The following RPL39L variants were observed in gnomAD, a reference collection of about 807,000 sequenced individuals.
RPL39L encodes the protein ribosomal protein eL39-like 2.
For missense variants in RPL39L, 48 were observed against 58.9 expected (o/e 0.81, Z 0.61); for synonymous variants, 16 against 20.1 (o/e 0.80, Z 0.55).
intron 1 of RPL39L, among the ~76,000 whole-genome samples, chr3:187,128,690 T>C (rs1002674574): frequency 1.2e-4 from 18 of 152,204 alleles, no homozygotes; most frequent in African/African-American, 4.3e-4. Context: ...ACAGTTATTA[T>C]AGTTACTGAT....
rs367723140 is a variant in RPL39L at position 187,121,134 on chromosome 3, T to C, written c.*11A>G. ...CAGCATAAATATGTGTGCCATCTCA[T>C]GTGCAATTCCTTATAGACCCAGCTT... On this transcript the variant is annotated 3_prime_UTR_variant, in exon 3 of 3. Coordinates refer to ENST00000296277, the MANE Select transcript of RPL39L (RefSeq NM_052969.3). 7.4e-6 allele frequency: 12 copies of C among 1,612,964 alleles called. No individual in the cohort carries two copies. Among genetic ancestry groups the C allele is most frequent in the Non-Finnish European group, 9.3e-6 (11 of 1,179,704 alleles).
intron 1 of RPL39L, among the ~76,000 whole-genome samples, chr3:187,132,171 G>A (rs1720497529): frequency 6.6e-6 from 1 of 152,178 alleles, no homozygotes; most frequent in African/African-American, 2.4e-5. Context: ...ATTGCCCATG[G>A]TAACATAAAC....
In RPL39L at chr3:187,121,096, C is replaced by G. The variant is rs76730523; in HGVS notation, c.*49G>C. 1 of 1,597,460 alleles carries G rather than the reference C, an allele frequency of 6.3e-7. No individual in the cohort carries two copies. The highest frequency in any genetic ancestry group is 8.6e-7 in the Non-Finnish European group (1 of 1,167,622). On this transcript the variant is annotated 3_prime_UTR_variant, in exon 3 of 3. Transcript: ENST00000296277. ...TTTCAGCTTGATATCGTAAGATGATCGTGAACTTGATACAGCATAAATATG... is the reference window on the plus strand; with the variant it reads ...TTTCAGCTTGATATCGTAAGATGATGGTGAACTTGATACAGCATAAATATG...
chr3:187,127,237 T>C (rs1410144259), intron 2 of RPL39L, among the ~76,000 whole-genome samples: 1 of 152,198 alleles, frequency 6.6e-6, no homozygotes, highest in African/African-American at 2.4e-5. Flanking sequence ...TTCTGAAGCA[T>C]GTTAAAGTTT....
At position 187,125,374 on chromosome 3, in the gene RPL39L, T is replaced by C. The variant is rs190697591; in HGVS notation, c.-29+2625A>G. Among the ~76,000 whole-genome samples the C allele has an allele frequency of 4.6e-3, 702 of 152,324 alleles. 8 individuals carry two copies. Among genetic ancestry groups the C allele is most frequent in the South Asian group, 0.026 (125 of 4,824 alleles). ...ACAAAAGTTATCAACTAAGGGTTGG[T>C]TGGAGGTTGGCCATAACTTGCCTTG... is the stretch of plus-strand genomic sequence containing the variant. On this transcript the variant is annotated intron_variant, in intron 2 of 2. Coordinates refer to ENST00000296277, the MANE Select transcript of RPL39L (RefSeq NM_052969.3).
At chr3:187,138,880 T>C (rs1720633963) in intron 1 of RPL39L, among the ~76,000 whole-genome samples, 1 of 151,922 alleles carries the variant, frequency 6.6e-6, no homozygotes, top group Non-Finnish European at 1.5e-5. Flanking sequence ...ACCAATATGG[T>C]GAAACCCGTC....
intron 1 of RPL39L, among the ~76,000 whole-genome samples, chr3:187,129,025 T>C (rs547746944): frequency 6.6e-6 from 1 of 152,314 alleles, no homozygotes; most frequent in South Asian, 2.1e-4. Flanking sequence ...AAAATGACCA[T>C]ATGTTATGAT....
At chr3:187,126,995 G>A (rs903350646) in intron 2 of RPL39L, among the ~76,000 whole-genome samples, 4 of 152,154 alleles carry the variant, frequency 2.6e-5, no homozygotes, top group African/African-American at 9.7e-5. Flanking sequence ...TGTGGTACCT[G>A]CAGGTACCCA....
intron 1 of RPL39L, among the ~76,000 whole-genome samples, chr3:187,133,406 C>T (rs190458582): frequency 2.8e-3 from 421 of 152,242 alleles, no homozygotes; most frequent in African/African-American, 9.7e-3. Flanking sequence ...CCATCTAAGA[C>T]GTGCTTTGCT....
intron 1 of RPL39L, among the ~76,000 whole-genome samples, chr3:187,135,104 G>T (rs2108470664): frequency 6.6e-6 from 1 of 152,306 alleles, no homozygotes; most frequent in Middle Eastern, 3.4e-3. Flanking sequence ...GAAATTACAT[G>T]GCTGTGTGAT....
At chr3:187,129,731 C>G (rs947173812) in intron 1 of RPL39L, among the ~76,000 whole-genome samples, 1 of 152,080 alleles carries the variant, frequency 6.6e-6, no homozygotes, top group Admixed American at 6.5e-5. Context: ...ACCTTTTGGA[C>G]TATAAAGTTA....
chr3:187,131,027 C>T (rs1720475982), intron 1 of RPL39L, among the ~76,000 whole-genome samples: 1 of 152,238 alleles, frequency 6.6e-6, no homozygotes. Context: ...TGTCCTCTTT[C>T]AGCTTTCTCT....
intron 1 of RPL39L, among the ~76,000 whole-genome samples, chr3:187,129,882 C>G (rs938131240): frequency 1.5e-4 from 22 of 147,810 alleles, no homozygotes; most frequent in African/African-American, 5.5e-4. Context: ...GTGAGAATAT[C>G]AGGCTCACAT....
At chr3:187,129,233 C>T (rs1239606648) in intron 1 of RPL39L, among the ~76,000 whole-genome samples, 1 of 152,176 alleles carries the variant, frequency 6.6e-6, no homozygotes. Flanking sequence ...AGCTCGCTTC[C>T]TGAGCAGGTA....
chr3:187,132,915 A>G (rs948693458), intron 1 of RPL39L, among the ~76,000 whole-genome samples: 6 of 146,898 alleles, frequency 4.1e-5, no homozygotes, highest in South Asian at 2.1e-4. Flanking sequence ...AAATCCAAGG[A>G]AAGACTGACC....
At chr3:187,130,573 T>C (rs1010022105) in intron 1 of RPL39L, among the ~76,000 whole-genome samples, 4 of 152,160 alleles carry the variant, frequency 2.6e-5, no homozygotes, top group Admixed American at 2.6e-4. Context: ...CCTTCTGCCA[T>C]GAGTAAAAGC....
chr3:187,138,955 A>C (rs1720635908), intron 1 of RPL39L, among the ~76,000 whole-genome samples: 1 of 152,158 alleles, frequency 6.6e-6, no homozygotes, highest in Non-Finnish European at 1.5e-5. Flanking sequence ...GCTACTCAGG[A>C]GGCTAAGGCG....
intron 2 of RPL39L, among the ~76,000 whole-genome samples, chr3:187,125,764 T>C (rs971681850): frequency 6.6e-6 from 1 of 152,188 alleles, no homozygotes; most frequent in African/African-American, 2.4e-5. Flanking sequence ...ACATCAACTG[T>C]AAAATAATAA....
rs116934990 is a variant in RPL39L at position 187,134,423 on chromosome 3, C to T, written c.-93+4790G>A. The stretch of plus-strand genomic sequence containing the variant: ...CTATAACGTACAGGTGAGCCTCATA[C>T]GACAAAGAATTATCCAGCCCAAAAT... On this transcript the variant is annotated intron_variant, in intron 1 of 2. Transcript: ENST00000296277. Among the ~76,000 whole-genome samples, 882 of 141,920 alleles carry T rather than the reference C, an allele frequency of 6.2e-3. 16 individuals are homozygous for T. The highest frequency in any genetic ancestry group is 0.054 in the East Asian group (265 of 4,908). 93.1% of individuals were successfully genotyped at this position (141,920 alleles called of 152,430 possible).
Sources: allele counts gnomAD v4.1 joint callset (sites outside exome capture counted in the v4.1 genomes callset), GRCh38; gene constraint gnomAD v4.1.1; transcripts MANE v1.5; gene names NCBI Gene and HGNC (gene_info 2026-07-23, HGNC 2026-07-21).